Variants in ETFRF1 observed in about 807,000 individuals in gnomAD.
ETFRF1 encodes the protein LYR motif containing 5.
ETFRF1 carries 12 observed loss-of-function variants against 9.0 expected under a neutral mutation model. The observed-to-expected ratio is 1.34, with a 90% CI of 0.86 to 2.16. ETFRF1 has a LOEUF of 2.16. Among genes scored for constraint, ETFRF1 ranks in the 30% most tolerant of loss-of-function variants. The pLI is 0.00. For synonymous variants in ETFRF1, 34 were observed against 33.2 expected, an observed-to-expected ratio of 1.02 and a Z score of -0.08; for missense variants, 98 against 101.8, an observed-to-expected ratio of 0.96 and a Z score of 0.16.
intron 1 of ETFRF1, among the ~76,000 whole-genome samples, chr12:25,199,595 T>C (rs1565873870): frequency 6.7e-6 from 1 of 148,564 alleles, no homozygotes; most frequent in East Asian, 1.9e-4. Flanking sequence ...TATATAGATT[T>C]GTATATATAC....
At chr12:25,201,993 G>A (rs1951076764) in intron 1 of ETFRF1, among the ~76,000 whole-genome samples, 1 of 147,806 alleles carries the variant, frequency 6.8e-6, no homozygotes, top group Non-Finnish European at 1.5e-5. Flanking sequence ...GGCCAAGGTG[G>A]GTGGATCACA....
intron 1 of ETFRF1, 143 bp from the exon 2 acceptor site, chr12:25,203,777 A>T: frequency 2.1e-6 from 1 of 483,744 alleles, no homozygotes. Flanking sequence ...TTATAACTAT[A>T]TCCCAGTACG....
chr12:25,196,839 G>T (rs1211276818), intron 1 of ETFRF1, among the ~76,000 whole-genome samples: 4 of 152,158 alleles, frequency 2.6e-5, no homozygotes, highest in Non-Finnish European at 5.9e-5. Flanking sequence ...AAACCTAAAT[G>T]CTTCAAGGTC....
intron 1 of ETFRF1, among the ~76,000 whole-genome samples, chr12:25,202,281 AAAAGTC>A (rs1951080564): frequency 2.6e-5 from 4 of 151,954 alleles, no homozygotes; most frequent in South Asian, 4.2e-4. Flanking sequence ...AATTCAGTCC[AAAAGTC>A]ATTACGTGGG....
At chr12:25,202,067 A>AAAG (rs1428113464) in intron 1 of ETFRF1, among the ~76,000 whole-genome samples, 3 of 138,750 alleles carry the variant, frequency 2.2e-5, no homozygotes, top group African/African-American at 8.2e-5. Flanking sequence ...GAAATACAAA[A>AAAG]AAAAAAAAAA....
chr12:25,203,849 T>C (rs1215210853), intron 1 of ETFRF1, 71 bp from the exon 2 acceptor site: 3 of 835,982 alleles, frequency 3.6e-6, no homozygotes, highest in Non-Finnish European at 5.1e-6. Flanking sequence ...ATTTTCTCAA[T>C]GTGTATAACC....
chr12:25,200,498 G>T lies in ETFRF1; in HGVS notation c.-37-3422G>T, dbSNP rs116500767. On this transcript the variant is annotated intron_variant, in intron 1 of 2. Coordinates refer to ENST00000381356, the MANE Select transcript of ETFRF1 (RefSeq NM_001001660.3). ...GGAGAAGATTCTGTAAGTTTCTGGGGAGAGAGAGAAAAAATACATCACATA... is the reference window on the plus strand; with the variant it reads ...GGAGAAGATTCTGTAAGTTTCTGGGTAGAGAGAGAAAAAATACATCACATA... 2.1e-3 allele frequency among the ~76,000 whole-genome samples: 315 copies of T among 152,236 alleles called. 2 individuals are homozygous for T. The highest frequency in any genetic ancestry group is 7.1e-3 in the African/African-American group (296 of 41,532).
chr12:25,201,584 G>C (rs1326904628), intron 1 of ETFRF1, among the ~76,000 whole-genome samples: 1 of 151,878 alleles, frequency 6.6e-6, no homozygotes, highest in African/African-American at 2.4e-5. Context: ...TGGGTACCCA[G>C]ATGTATATTT....
chr12:25,199,316 A>G (rs555972055), intron 1 of ETFRF1, among the ~76,000 whole-genome samples: 100 of 134,826 alleles, frequency 7.4e-4, no homozygotes, highest in African/African-American at 2.6e-3. Flanking sequence ...CATAGTACAT[A>G]TAGTACATAT....
At position 25,204,187 on chromosome 12, in the gene ETFRF1, G is replaced by C; in HGVS notation, c.148G>C (p.Glu50Gln). 6.2e-7 allele frequency: 1 copy of C among 1,613,318 alleles called. No individual in the cohort carries two copies. Among genetic ancestry groups the C allele is most frequent in the Non-Finnish European group, 8.5e-7 (1 of 1,179,628 alleles). The change falls in exon 3 of 3, where the codon GAG becomes CAG. Residue 50 changes from glutamate (E) to glutamine (Q), a missense_variant. Coordinates refer to ENST00000381356, the MANE Select transcript of ETFRF1 (RefSeq NM_001001660.3). ...TAAAAACAAAGATGTGAAGAATCCAGAGAAGATCAAAGAACTTATTGCACA... is the reference window on the plus strand; with the variant it reads ...TAAAAACAAAGATGTGAAGAATCCACAGAAGATCAAAGAACTTATTGCACA... The part of the protein sequence containing the change: ...FLKNKDVKNP[E>Q]KIKELIAQGE...
chr12:25,204,628 C>G lies in ETFRF1; in HGVS notation c.*316C>G, dbSNP rs533163694. ...AGCCAATTATTTTTAGCTTATTTCTCCATTTTACTGACAAGAGAATGCCAT... is the reference window on the plus strand; with the variant it reads ...AGCCAATTATTTTTAGCTTATTTCTGCATTTTACTGACAAGAGAATGCCAT... On this transcript the variant is annotated 3_prime_UTR_variant, in exon 3 of 3. Transcript: ENST00000381356. 1 of 187,226 alleles carries G rather than the reference C, an allele frequency of 5.3e-6. No homozygotes were observed. Among genetic ancestry groups the G allele is most frequent in the African/African-American group, 2.5e-5 (1 of 40,644 alleles). The allele number at this position is 187,226 out of a possible 1,614,324, so 11.6% of individuals were successfully genotyped here.
At chr12:25,200,087 G>A (rs952896422) in intron 1 of ETFRF1, among the ~76,000 whole-genome samples, 3 of 152,070 alleles carry the variant, frequency 2.0e-5, no homozygotes, top group African/African-American at 7.2e-5. Flanking sequence ...GCAGGCACCT[G>A]TAATTCCAGC....
intron 1 of ETFRF1, among the ~76,000 whole-genome samples, chr12:25,201,248 C>T (rs965640453): frequency 2.6e-5 from 4 of 152,144 alleles, no homozygotes; most frequent in Non-Finnish European, 4.4e-5. Context: ...CCACATGCTT[C>T]AGTTGTGAGG....
rs112067844 is a variant in ETFRF1, at chr12:25,204,162, T to A, written c.123T>A (p.Leu41=). 3.7e-6 allele frequency: 6 copies of A among 1,612,832 alleles called. No individual in the cohort carries two copies. The highest frequency in any genetic ancestry group is 4.2e-6 in the Non-Finnish European group (5 of 1,179,382). The change falls in exon 3 of 3, where the codon CTT becomes CTA. Residue 41 remains leucine, a synonymous_variant. Transcript: ENST00000381356. ...YFKKRLKNIF[L]KNKDVKNPEK... ...AAAAGCGTTTGAAGAACATTTTCCTTAAAAACAAAGATGTGAAGAATCCAG... is the reference window on the plus strand; with the variant it reads ...AAAAGCGTTTGAAGAACATTTTCCTAAAAAACAAAGATGTGAAGAATCCAG...
Position 25,205,140 on chromosome 12 carries a change from T to C in ETFRF1, c.*828T>C, listed in dbSNP as rs1951121069. On this transcript the variant is annotated 3_prime_UTR_variant, in exon 3 of 3. Coordinates refer to ENST00000381356, the MANE Select transcript of ETFRF1 (RefSeq NM_001001660.3). ...GAAATAAAGGATACTTCTAACAAGC[T>C]GCATAAAAGATTCACTGGTATACTA... The C allele has an allele frequency of 4.6e-6, 1 of 216,816 alleles. No individual in the cohort carries two copies. Among genetic ancestry groups the C allele is most frequent in the Non-Finnish European group, 9.3e-6 (1 of 107,438 alleles). 13.4% of individuals were successfully genotyped at this position (216,816 alleles called of 1,614,324 possible).
intron 1 of ETFRF1, among the ~76,000 whole-genome samples, chr12:25,201,516 A>G (rs1951072746): frequency 6.6e-6 from 1 of 152,210 alleles, no homozygotes; most frequent in Admixed American, 6.5e-5. Flanking sequence ...GGGAAGGAGA[A>G]GCAATTGGAG....
intron 1 of ETFRF1, among the ~76,000 whole-genome samples, chr12:25,197,167 G>T (rs950800290): frequency 2.7e-5 from 4 of 149,390 alleles, no homozygotes; most frequent in Non-Finnish European, 4.4e-5. Flanking sequence ...AAAAAAAAAA[G>T]ATAAACTGCA....
rs530743037 is a variant in ETFRF1, at chr12:25,202,003, A to T, written c.-37-1917A>T. On this transcript the variant is annotated intron_variant, in intron 1 of 2. Transcript: ENST00000381356. The stretch of plus-strand genomic sequence containing the variant: ...TGGGAGGCCAAGGTGGGTGGATCAC[A>T]AGGTGAGGAGATCAAGACCATCCCG... Among the ~76,000 whole-genome samples the T allele has an allele frequency of 9.5e-5, 14 of 148,104 alleles. No homozygotes were observed. The East Asian group carries it at 2.8e-3, about 29-fold the overall frequency.
At chr12:25,197,683 C>G (rs1951041659) in intron 1 of ETFRF1, among the ~76,000 whole-genome samples, 1 of 152,068 alleles carries the variant, frequency 6.6e-6, no homozygotes, top group Non-Finnish European at 1.5e-5. Context: ...GTTGCCCAGG[C>G]TGGTCTCAAA....
Sources: allele counts gnomAD v4.1 joint callset (sites outside exome capture counted in the v4.1 genomes callset), GRCh38; gene constraint gnomAD v4.1.1; transcripts MANE v1.5; gene names NCBI Gene and HGNC (gene_info 2026-07-23, HGNC 2026-07-21).